Variants in ZNF462 observed in about 807,000 individuals in gnomAD.
ZNF462 encodes the protein zinc finger protein 462, also known as zinc finger PBX1-interacting protein.
In ZNF462, 10 loss-of-function variants were observed where a neutral mutation model predicts 201.9. The ratio of observed to expected loss-of-function variants is 0.05; its 90% CI spans 0.03 to 0.08. The LOEUF (loss-of-function observed/expected upper bound fraction) is 0.08, where lower values mean the gene tolerates loss of function less well. Ranked by LOEUF, ZNF462 falls within the 10% of genes least tolerant of loss-of-function variation. The pLI, the probability that ZNF462 is intolerant of heterozygous loss-of-function variation, is 1.00. For missense variants in ZNF462, 2,523 were observed against 3,168.3 expected (o/e 0.80, Z 4.89); for synonymous variants, 1,227 against 1,193.3 (o/e 1.03, Z -0.58).
chr9:106,948,519 T>A (rs1305342221), intron 7 of ZNF462, among the ~76,000 whole-genome samples: 1 of 152,206 alleles, frequency 6.6e-6, no homozygotes, highest in Non-Finnish European at 1.5e-5. Context: ...AACGAACAGC[T>A]TTATGGCAAT....
rs1826823687 is a variant in ZNF462, at chr9:106,974,244, A to G, written c.6803A>G (p.Asn2268Ser). 3 of 1,614,128 alleles carry G rather than the reference A, an allele frequency of 1.9e-6. No individual in the cohort carries two copies. Among genetic ancestry groups the G allele is most frequent in the Non-Finnish European group, 2.5e-6 (3 of 1,180,008 alleles). ...LCLYHTKYKRNMIDHIVLHRE... is the reference protein window; with the variant it reads ...LCLYHTKYKRSMIDHIVLHRE... ...CTCTATCACACCAAATACAAGCGCA[A>G]CATGATTGACCACATCGTGCTGCAC... Residue 2268 changes from asparagine to serine, a missense_variant, in exon 9 of 13, where the codon AAC becomes AGC. Coordinates refer to ENST00000277225, the MANE Select transcript of ZNF462 (RefSeq NM_021224.6). The surrounding 1 kb of genome is among the most constrained non-coding windows in gnomAD (Gnocchi z 4.0).
chr9:106,893,813 T>G (rs922504305), intron 1 of ZNF462, among the ~76,000 whole-genome samples: 2 of 152,216 alleles, frequency 1.3e-5, no homozygotes, highest in Non-Finnish European at 2.9e-5. Context: ...TTTAGACAGG[T>G]TAAGTAACTT....
At chr9:106,887,160 T>C (rs1828356527) in intron 1 of ZNF462, among the ~76,000 whole-genome samples, 1 of 152,186 alleles carries the variant, frequency 6.6e-6, no homozygotes, top group Admixed American at 6.5e-5. Flanking sequence ...AGTAGCAGTT[T>C]GAACGAATGA....
rs116826589 is a variant in ZNF462 at position 106,907,755 on chromosome 9, C to T, written c.-30-15599C>T. On this transcript the variant is annotated intron_variant, in intron 1 of 12. Transcript: ENST00000277225. Reference sequence around the variant, plus strand: ...TTTTAATGTAGTCAAATCTTTTCTTCGACTTTTCTTCTTCTGTCTTTCCAT... The same window carrying T: ...TTTTAATGTAGTCAAATCTTTTCTTTGACTTTTCTTCTTCTGTCTTTCCAT... 1.7e-3 allele frequency among the ~76,000 whole-genome samples: 263 copies of T among 151,934 alleles called. 2 individuals carry two copies. Among genetic ancestry groups the T allele is most frequent in the African/African-American group, 5.8e-3 (242 of 41,500 alleles).
Position 106,970,830 on chromosome 9 carries a change from T to C in ZNF462, c.6428-1175T>C, listed in dbSNP as rs1826564776. 7.0e-6 allele frequency among the ~76,000 whole-genome samples: 1 copy of C among 143,292 alleles called. No homozygotes were observed. Among genetic ancestry groups the C allele is most frequent in the African/African-American group, 2.8e-5 (1 of 35,192 alleles). The allele number at this position is 143,292 out of a possible 152,430, so 94.0% of individuals were successfully genotyped here. A position where few individuals can be genotyped will look rare whatever the true frequency, so the allele number is the denominator to read the frequency against. ...TTTATTTATTTATTTTTACTTTTTT[T>C]TCTCTTCTTTTTTTTTAATTCAAAG... is the stretch of plus-strand genomic sequence containing the variant. On this transcript the variant is annotated intron_variant, in intron 7 of 12. Transcript: ENST00000277225. This position sits in a 1 kb window ranked among gnomAD's most constrained non-coding sequence, Gnocchi z 4.2.
intron 1 of ZNF462, among the ~76,000 whole-genome samples, chr9:106,888,232 A>AGGGTTTCAC (rs1828414706): frequency 6.6e-6 from 1 of 150,982 alleles, no homozygotes; most frequent in South Asian, 2.1e-4. Context: ...TAGTAGAGAC[A>AGGGTTTCAC]GGGTTTCACC....
chr9:107,005,271 C>G lies in ZNF462; in HGVS notation c.7189+1845C>G, dbSNP rs1222368892. On this transcript the variant is annotated intron_variant, in intron 11 of 12. Transcript: ENST00000277225. The surrounding 1 kb of genome is among the most constrained non-coding windows in gnomAD (Gnocchi z 4.4). Reference sequence around the variant, plus strand: ...ATCAATGTGGTAGTTCTACTTTTAACTGATTGAGGAACCTCCATGCTGTTT... The same window carrying G: ...ATCAATGTGGTAGTTCTACTTTTAAGTGATTGAGGAACCTCCATGCTGTTT... Among the ~76,000 whole-genome samples, 5 of 152,130 alleles carry G rather than the reference C, an allele frequency of 3.3e-5. No individual in the cohort carries two copies. Among genetic ancestry groups the G allele is most frequent in the African/African-American group, 1.2e-4 (5 of 41,424 alleles).
intron 10 of ZNF462, among the ~76,000 whole-genome samples, chr9:106,992,586 G>A (rs1461200387): frequency 6.6e-6 from 1 of 152,026 alleles, no homozygotes; most frequent in South Asian, 2.1e-4. Context: ...CAGCATTGAG[G>A]AATCCAAAAA....
intron 7 of ZNF462, among the ~76,000 whole-genome samples, chr9:106,961,843 T>A (rs996300361): frequency 1.3e-5 from 2 of 152,016 alleles, no homozygotes; most frequent in African/African-American, 4.8e-5. Context: ...TGGACTGAGT[T>A]CAGTTTTGAA....
chr9:106,932,463 G>T lies in ZNF462; in HGVS notation c.6030G>T (p.Glu2010Asp). The T allele has an allele frequency of 6.2e-7, 1 of 1,614,244 alleles. No homozygotes were observed. The highest frequency in any genetic ancestry group is 8.5e-7 in the Non-Finnish European group (1 of 1,180,044). Residue 2010 changes from glutamate to aspartate, a missense_variant, in exon 5 of 13, where the codon GAG becomes GAT. By Grantham distance (45) the Glu-to-Asp change is conservative (BLOSUM62 2). Transcript: ENST00000277225. This position sits in a 1 kb window ranked among gnomAD's most constrained non-coding sequence, Gnocchi z 6.8. ...CCATGCAGGGGCTGCGTTCTCATGA[G>T]AGGAGCCACCTGGCCCTGGCCATGT... Reference protein sequence around the residue: ...SAAVKGLRSHERSHLALAMFT... With the variant: ...SAAVKGLRSHDRSHLALAMFT...
At chr9:107,000,982 T>C (rs1588193805) in intron 10 of ZNF462, among the ~76,000 whole-genome samples, 1 of 152,182 alleles carries the variant, frequency 6.6e-6, no homozygotes, top group East Asian at 1.9e-4. Context: ...AACAACTGGA[T>C]TAAAGCAGAT....
chr9:106,951,311 C>G (rs1360472367), intron 7 of ZNF462, among the ~76,000 whole-genome samples: 1 of 152,060 alleles, frequency 6.6e-6, no homozygotes, highest in Non-Finnish European at 1.5e-5. Flanking sequence ...TAGGAGAGAA[C>G]GTTGAGTAAA....
chr9:106,999,836 G>A (rs2132578938), intron 10 of ZNF462, among the ~76,000 whole-genome samples: 1 of 152,264 alleles, frequency 6.6e-6, no homozygotes, highest in East Asian at 1.9e-4. Flanking sequence ...CAGGAGGCGA[G>A]AATAACACCC....
Position 106,981,244 on chromosome 9 carries a change from GT to G in ZNF462, c.6833-2941del, listed in dbSNP as rs1334924044. ...TTGACCCTTTCCTCAAATGTAGAAG[GT>G]GCTTGAAAGACATTCAGATATAAAG... is the stretch of plus-strand genomic sequence containing the variant. On this transcript the variant is annotated intron_variant, in intron 9 of 12. Coordinates refer to ENST00000277225, the MANE Select transcript of ZNF462 (RefSeq NM_021224.6). The surrounding 1 kb of genome is among the most constrained non-coding windows in gnomAD (Gnocchi z 4.0). Among the ~76,000 whole-genome samples, 8 of 152,210 alleles carry G rather than the reference GT, an allele frequency of 5.3e-5. No individual in the cohort carries two copies. The highest frequency in any genetic ancestry group is 1.9e-4 in the African/African-American group (8 of 41,442).
chr9:106,995,853 A>G (rs1828678485), intron 10 of ZNF462, among the ~76,000 whole-genome samples: 2 of 152,182 alleles, frequency 1.3e-5, no homozygotes, highest in Admixed American at 6.5e-5. Context: ...TCTAGGGTAC[A>G]TGTGCACAAC....
intron 1 of ZNF462, among the ~76,000 whole-genome samples, chr9:106,897,949 C>T (rs1408407477): frequency 6.6e-6 from 1 of 152,194 alleles, no homozygotes; most frequent in Admixed American, 6.5e-5. Context: ...AGCCCTCTCC[C>T]TCCCCCTACA....
At position 106,929,036 on chromosome 9, in the gene ZNF462, C is replaced by T. The variant is rs1273567787; in HGVS notation, c.5124C>T (p.Ile1708=). The T allele has an allele frequency of 6.2e-7, 1 of 1,614,114 alleles. No homozygotes were observed. Among genetic ancestry groups the T allele is most frequent in the Admixed American group, 1.7e-5 (1 of 60,020 alleles). Residue 1708 remains isoleucine, a synonymous_variant, in exon 3 of 13, where the codon ATC becomes ATT. Coordinates refer to ENST00000277225, the MANE Select transcript of ZNF462 (RefSeq NM_021224.6). The surrounding 1 kb of genome is among the most constrained non-coding windows in gnomAD (Gnocchi z 8.7). ...KCALCAYTNP[I]RKGLAAHYQK... is the part of the protein sequence containing the mutation. ...CCCTGTGTGCCTACACCAACCCCATCCGCAAAGGTCTGGCAGCCCACTACC... is the reference window on the plus strand; with the variant it reads ...CCCTGTGTGCCTACACCAACCCCATTCGCAAAGGTCTGGCAGCCCACTACC...
chr9:106,897,832 C>G (rs1348890103), intron 1 of ZNF462, among the ~76,000 whole-genome samples: 1 of 151,644 alleles, frequency 6.6e-6, no homozygotes, highest in African/African-American at 2.4e-5. Context: ...CAGCAGGGCC[C>G]TGCTGATCCA....
chr9:106,923,229 A>G lies in ZNF462; in HGVS notation c.-30-125A>G. The G allele has an allele frequency of 2.9e-6, 2 of 684,268 alleles. No homozygotes were observed. Among genetic ancestry groups the G allele is most frequent in the Non-Finnish European group, 5.0e-6 (2 of 400,730 alleles). 42.4% of individuals were successfully genotyped at this position (684,268 alleles called of 1,614,324 possible). On this transcript the variant is annotated intron_variant, in intron 1 of 12. Coordinates refer to ENST00000277225, the MANE Select transcript of ZNF462 (RefSeq NM_021224.6). This position sits in a 1 kb window ranked among gnomAD's most constrained non-coding sequence, Gnocchi z 5.6. Reference sequence around the variant, plus strand: ...CTCTTTAGCCAATGTTCCAACTGGCAAAGTCCAATAAGAGAAATCTACTGA... The same window carrying G: ...CTCTTTAGCCAATGTTCCAACTGGCGAAGTCCAATAAGAGAAATCTACTGA...
Sources: gnomAD v4.1 joint callset for allele counts (sites outside exome capture counted in the v4.1 genomes callset) on GRCh38, gnomAD v4.1.1 for gene constraint, Gnocchi (gnomAD v3.1) non-coding constraint, MANE v1.5 for transcripts, NCBI Gene and HGNC (gene_info 2026-07-23, HGNC 2026-07-21) for gene names.